Variants in GLRA1 observed in about 807,000 individuals in gnomAD.
The protein encoded by GLRA1 is glycine receptor alpha 1, also known as glycine receptor subunit alpha-1.
In GLRA1, 37 loss-of-function variants were observed where a neutral mutation model predicts 48.3. The observed-to-expected ratio is 0.77, with a 90% confidence interval of 0.59 to 1.01. GLRA1 has a LOEUF of 1.01. Ranked by LOEUF, GLRA1 falls within the 50% of genes least tolerant of loss-of-function variation. The pLI, the probability that GLRA1 is intolerant of heterozygous loss-of-function variation, is 0.00. For synonymous variants in GLRA1, 196 were observed against 210.7 expected (o/e 0.93, Z 0.60); for missense variants, 427 against 571.0 (o/e 0.75, Z 2.57).
At position 151,886,973 on chromosome 5, in the gene GLRA1, C is replaced by T. The variant is rs1346489; in HGVS notation, c.185-185G>A. Among the ~76,000 whole-genome samples the T allele has an allele frequency of 0.26, 39,574 of 152,056 alleles. 5,326 individuals carry two copies. The highest frequency in any genetic ancestry group is 0.39 in the South Asian group (1,875 of 4,806). On this transcript the variant is annotated intron_variant, in intron 2 of 8. Transcript: ENST00000274576. ...CACCATTTAACATCTCTATGCCAGA[C>T]TTCCTGGTCCCCAAGTGAGCACCAG...
intron 8 of GLRA1, among the ~76,000 whole-genome samples, chr5:151,827,032 T>TTTTTTTG (rs1349066710): frequency 1.4e-5 from 2 of 146,634 alleles, no homozygotes; most frequent in East Asian, 3.9e-4. Flanking sequence ...TCTTTCTGTT[T>TTTTTTTG]TTTTTTTTTT....
intron 1 of GLRA1, among the ~76,000 whole-genome samples, chr5:151,919,385 G>A (rs892460623): frequency 2.6e-5 from 4 of 152,206 alleles, no homozygotes; most frequent in African/African-American, 9.6e-5. Flanking sequence ...AGATCTGTGA[G>A]TATAGTGGTC....
chr5:151,870,340 G>A (rs1249058454), intron 3 of GLRA1, among the ~76,000 whole-genome samples: 2 of 149,688 alleles, frequency 1.3e-5, no homozygotes, highest in African/African-American at 5.1e-5. Context: ...GATAGTGTTG[G>A]CAGTGCAGGG....
rs1185228812 is a variant in GLRA1, at chr5:151,872,389, T to TA, written c.253-12382dup. On this transcript the variant is annotated intron_variant, in intron 3 of 8. Coordinates refer to ENST00000274576, the MANE Select transcript of GLRA1 (RefSeq NM_000171.4). ...TTTTGAAAATCCCATTTGGTGAAAA[T>TA]AAAAAAGCTTGATAATACCTTGGGT... Among the ~76,000 whole-genome samples the TA allele has an allele frequency of 2.4e-4, 36 of 149,776 alleles. 3 individuals are homozygous for TA. Among genetic ancestry groups the TA allele is most frequent in the African/African-American group, 7.7e-4 (30 of 39,184 alleles).
intron 8 of GLRA1, among the ~76,000 whole-genome samples, chr5:151,827,029 G>GTTTTTTTTTTTTTTTTTTTTT (rs199505206): frequency 8.7e-5 from 11 of 126,784 alleles, no homozygotes; most frequent in African/African-American, 3.2e-4. Context: ...CTTTCTTTCT[G>GTTTTTTTTTTTTTTTTTTTTT]TTTTTTTTTT....
At chr5:151,905,191 A>C (rs1328527557) in intron 1 of GLRA1, among the ~76,000 whole-genome samples, 2 of 152,164 alleles carry the variant, frequency 1.3e-5, no homozygotes, top group Admixed American at 6.5e-5. Flanking sequence ...TGATTAAAGC[A>C]AAAAATGCAC....
rs367924727 is a variant in GLRA1, at chr5:151,838,110, G to A, written c.913-9043C>T. 1.2e-4 allele frequency among the ~76,000 whole-genome samples: 19 copies of A among 152,276 alleles called. 1 individual carries two copies. The highest frequency in any genetic ancestry group is 7.8e-4 in the Admixed American group (12 of 15,292). On this transcript the variant is annotated intron_variant, in intron 7 of 8. Transcript: ENST00000274576. ...ACTTTAAATCAGTTATTTTAAGTAT[G>A]TTCAACAAACTAGAGGAAACTATGT...
chr5:151,878,944 C>T (rs528633306), intron 3 of GLRA1, among the ~76,000 whole-genome samples: 1 of 152,340 alleles, frequency 6.6e-6, no homozygotes, highest in South Asian at 2.1e-4. Flanking sequence ...TTGGGCACCT[C>T]CTAGTGGAGC....
At chr5:151,913,702 C>G (rs993294976) in intron 1 of GLRA1, among the ~76,000 whole-genome samples, 18 of 152,340 alleles carry the variant, frequency 1.2e-4, no homozygotes, top group African/African-American at 4.3e-4. Context: ...TACAGTAGCA[C>G]AGCAGCTAAA....
At chr5:151,833,813 AAAG>A (rs1327896225) in intron 7 of GLRA1, among the ~76,000 whole-genome samples, 3 of 151,074 alleles carry the variant, frequency 2.0e-5, no homozygotes, top group Non-Finnish European at 4.4e-5. Context: ...AAAAAAAAAA[AAAG>A]CAGGGGTTGC....
At chr5:151,827,772 A>G (rs893621499) in intron 8 of GLRA1, among the ~76,000 whole-genome samples, 1 of 152,196 alleles carries the variant, frequency 6.6e-6, no homozygotes, top group African/African-American at 2.4e-5. Flanking sequence ...TGTGACCTGC[A>G]ACACTATGAC....
chr5:151,886,072 A>G (rs1427184199), intron 3 of GLRA1, among the ~76,000 whole-genome samples: 3 of 152,228 alleles, frequency 2.0e-5, no homozygotes, highest in Admixed American at 1.3e-4. Context: ...TTGAAAAAAC[A>G]AAAACAAAAA....
intron 1 of GLRA1, among the ~76,000 whole-genome samples, chr5:151,900,242 A>G (rs1419217563): frequency 6.6e-6 from 1 of 152,186 alleles, no homozygotes; most frequent in Non-Finnish European, 1.5e-5. Context: ...CAGGGACCAG[A>G]GAGTGAGCAC....
At chr5:151,895,565 C>T (rs556603432) in intron 1 of GLRA1, among the ~76,000 whole-genome samples, 1 of 151,998 alleles carries the variant, frequency 6.6e-6, no homozygotes, top group Non-Finnish European at 1.5e-5. Flanking sequence ...TAGGACTGTT[C>T]TTAGAACATA....
At chr5:151,841,397 A>G (rs1763711023) in intron 7 of GLRA1, among the ~76,000 whole-genome samples, 1 of 129,512 alleles carries the variant, frequency 7.7e-6, no homozygotes, top group Non-Finnish European at 1.7e-5. Flanking sequence ...AAAAGAAGAA[A>G]GGTCCTAAAT....
intron 1 of GLRA1, among the ~76,000 whole-genome samples, chr5:151,900,216 G>T (rs1349139880): frequency 6.6e-6 from 1 of 152,084 alleles, no homozygotes; most frequent in Non-Finnish European, 1.5e-5. Context: ...TTGCATAAAT[G>T]CCAACCCTGC....
At chr5:151,892,560 T>A in intron 1 of GLRA1, 122 bp from the exon 2 acceptor site, 3 of 1,009,732 alleles carry the variant, frequency 3.0e-6, no homozygotes, top group Non-Finnish European at 4.6e-6. Flanking sequence ...GTAATATGGG[T>A]AATATGGGTC....
intron 3 of GLRA1, among the ~76,000 whole-genome samples, chr5:151,867,047 G>T (rs1021726681): frequency 7.9e-5 from 12 of 152,170 alleles, no homozygotes; most frequent in African/African-American, 2.9e-4. Flanking sequence ...TGAGGTTGAG[G>T]CTGTAGTGAG....
intron 1 of GLRA1, among the ~76,000 whole-genome samples, chr5:151,894,734 A>G (rs969139989): frequency 1.3e-5 from 2 of 152,246 alleles, no homozygotes; most frequent in African/African-American, 4.8e-5. Context: ...GAATGAATGA[A>G]TAATGTGCTA....
Sources: allele counts gnomAD v4.1 joint callset (sites outside exome capture counted in the v4.1 genomes callset), GRCh38; gene constraint gnomAD v4.1.1; transcripts MANE v1.5; gene names NCBI Gene and HGNC (gene_info 2026-07-23, HGNC 2026-07-21).